Variants in EPHA5 observed in about 807,000 individuals in gnomAD.
EPHA5 encodes ephrin type-A receptor 5.
A neutral mutation model predicts 105.0 loss-of-function variants in EPHA5; 60 were observed. The ratio of observed to expected loss-of-function variants is 0.57; its 90% CI spans 0.46 to 0.71. The LOEUF (loss-of-function observed/expected upper bound fraction) is 0.71. Among genes scored for constraint, EPHA5 ranks in the 30% least tolerant of loss-of-function variants. EPHA5 has a pLI of 0.00. For synonymous variants in EPHA5, 513 were observed against 449.1 expected, an observed-to-expected ratio of 1.14 and a Z score of -1.80; for missense variants, 1,218 against 1,274.7, an observed-to-expected ratio of 0.96 and a Z score of 0.68.
intron 3 of EPHA5, among the ~76,000 whole-genome samples, chr4:65,512,220 A>C (rs1451134425): frequency 6.6e-6 from 1 of 152,180 alleles, no homozygotes; most frequent in Non-Finnish European, 1.5e-5. Flanking sequence ...AAATGCACCA[A>C]ATTCATCATT....
chr4:65,507,151 A>G, intron 3 of EPHA5, among the ~76,000 whole-genome samples: 1 of 152,080 alleles, frequency 6.6e-6, no homozygotes. Context: ...TGGTTTTGTC[A>G]GGTTTGTCAA....
chr4:65,399,215 C>G (rs1721568385), intron 8 of EPHA5, among the ~76,000 whole-genome samples: 1 of 152,198 alleles, frequency 6.6e-6, no homozygotes, highest in Non-Finnish European at 1.5e-5. Flanking sequence ...TGCAATGCAT[C>G]TGATTCAGCT....
At position 65,560,773 on chromosome 4, in the gene EPHA5, C is replaced by T. The variant is rs563067587; in HGVS notation, c.910+40868G>A. Among the ~76,000 whole-genome samples, 128 of 152,080 alleles carry T rather than the reference C, an allele frequency of 8.4e-4. 1 individual carries two copies. Among genetic ancestry groups the T allele is most frequent in the African/African-American group, 2.9e-3 (121 of 41,504 alleles). On this transcript the variant is annotated intron_variant, in intron 3 of 16. Transcript: ENST00000613740. ...TAAGTATTCTAGACATAATTCCTGC[C>T]TGTTAAATGACTCAAATAATATTCT...
intron 3 of EPHA5, chr4:65,574,090 A>C: frequency 1.2e-6 from 2 of 1,608,664 alleles, no homozygotes; most frequent in East Asian, 2.2e-5. Context: ...AAAATCCCAA[A>C]ACATCTTACT....
intron 5 of EPHA5, among the ~76,000 whole-genome samples, chr4:65,463,259 T>C (rs1578171882): frequency 6.6e-6 from 1 of 152,156 alleles, no homozygotes; most frequent in African/African-American, 2.4e-5. Context: ...GACTCTTTAA[T>C]TGGGTATTTA....
chr4:65,574,631 T>TATATATACATATATATATATATACAC (rs1740629595), intron 3 of EPHA5, among the ~76,000 whole-genome samples: 3 of 81,672 alleles, frequency 3.7e-5, no homozygotes, highest in Non-Finnish European at 5.6e-5. Flanking sequence ...TATATACACA[T>TATATATACATATATATATATATACAC]ATATATATAC....
intron 5 of EPHA5, among the ~76,000 whole-genome samples, chr4:65,465,895 T>C (rs938659737): frequency 6.6e-6 from 1 of 152,246 alleles, no homozygotes; most frequent in Non-Finnish European, 1.5e-5. Context: ...TATCAAGTAT[T>C]TTCTGTGTGT....
chr4:65,618,925 C>T (rs948565114), intron 2 of EPHA5, among the ~76,000 whole-genome samples: 8 of 152,076 alleles, frequency 5.3e-5, no homozygotes, highest in Non-Finnish European at 1.5e-5. Flanking sequence ...GAGGCCTAGG[C>T]GGGTAGATGA....
chr4:65,524,783 C>G (rs951709935), intron 3 of EPHA5, among the ~76,000 whole-genome samples: 1 of 151,634 alleles, frequency 6.6e-6, no homozygotes, highest in Non-Finnish European at 1.5e-5. Context: ...AGTACTGACA[C>G]CAATAATTTT....
rs574983896 is a variant in EPHA5 at position 65,529,131 on chromosome 4, C to T, written c.911-33588G>A. On this transcript the variant is annotated intron_variant, in intron 3 of 16. Coordinates refer to ENST00000613740, the MANE Select transcript of EPHA5 (RefSeq NM_001281766.3). ...CTTTTAAAACAACTATAGTATAAGACATAATAAACGCAATTCAAAGAATAT... is the reference window on the plus strand; with the variant it reads ...CTTTTAAAACAACTATAGTATAAGATATAATAAACGCAATTCAAAGAATAT... Among the ~76,000 whole-genome samples, 9 of 152,036 alleles carry T rather than the reference C, an allele frequency of 5.9e-5. No homozygotes were observed. The East Asian group carries it at 1.7e-3, about 29-fold the overall frequency.
At chr4:65,390,558 T>G (rs1378600370) in intron 8 of EPHA5, among the ~76,000 whole-genome samples, 2 of 152,012 alleles carry the variant, frequency 1.3e-5, no homozygotes, top group African/African-American at 4.8e-5. Context: ...CATACCTTAC[T>G]AACCATCAGT....
chr4:65,614,744 C>A (rs1282847712), intron 2 of EPHA5, among the ~76,000 whole-genome samples: 11 of 151,822 alleles, frequency 7.2e-5, no homozygotes, highest in Admixed American at 7.2e-4. Flanking sequence ...TTCTATGCTC[C>A]TGCTGGGAGT....
intron 2 of EPHA5, among the ~76,000 whole-genome samples, chr4:65,607,218 T>C (rs772738552): frequency 1.6e-4 from 24 of 151,882 alleles, no homozygotes; most frequent in Admixed American, 8.5e-4. Flanking sequence ...CCTAAAACCA[T>C]AAAAACCCTA....
chr4:65,643,792 T>A (rs1747877652), intron 1 of EPHA5, among the ~76,000 whole-genome samples: 1 of 151,988 alleles, frequency 6.6e-6, no homozygotes, highest in Non-Finnish European at 1.5e-5. Context: ...GTTTTGGGAT[T>A]AAGCTGCAGC....
chr4:65,626,595 T>C (rs781110150), intron 2 of EPHA5, among the ~76,000 whole-genome samples: 7 of 152,218 alleles, frequency 4.6e-5, no homozygotes, highest in Non-Finnish European at 8.8e-5. Flanking sequence ...CATCTACAAC[T>C]ATATCAAGAA....
intron 5 of EPHA5, among the ~76,000 whole-genome samples, chr4:65,428,632 T>C (rs539520378): frequency 6.6e-6 from 1 of 152,214 alleles, no homozygotes; most frequent in East Asian, 1.9e-4. Flanking sequence ...GTATCTGTTT[T>C]AATAAAAAGA....
At chr4:65,536,960 G>A (rs931780763) in intron 3 of EPHA5, among the ~76,000 whole-genome samples, 3 of 151,754 alleles carry the variant, frequency 2.0e-5, no homozygotes, top group African/African-American at 7.2e-5. Context: ...TGACAACCCA[G>A]TTTTACATCC....
chr4:65,591,621 A>G (rs1396165267), intron 3 of EPHA5, among the ~76,000 whole-genome samples: 1 of 151,592 alleles, frequency 6.6e-6, no homozygotes, highest in Admixed American at 6.6e-5. Flanking sequence ...TTAAAAAAAA[A>G]GCTTCAGAGA....
At chr4:65,360,560 G>A (rs1273391659) in intron 11 of EPHA5, among the ~76,000 whole-genome samples, 1 of 151,512 alleles carries the variant, frequency 6.6e-6, no homozygotes, top group African/African-American at 2.4e-5. Context: ...AAATACTAAT[G>A]TCTATAGCAT....
Sources: gnomAD v4.1 joint callset for allele counts (sites outside exome capture counted in the v4.1 genomes callset) on GRCh38, gnomAD v4.1.1 for gene constraint, MANE v1.5 for transcripts, NCBI Gene and HGNC (gene_info 2026-07-23, HGNC 2026-07-21) for gene names.